TPRG1: variants seen among roughly 807,000 people sequenced by gnomAD.
The protein encoded by TPRG1 is tumor protein p63-regulated gene 1 protein.
In TPRG1, 29 loss-of-function variants were observed where a neutral mutation model predicts 29.3. The observed-to-expected ratio is 0.99, with a 90% CI of 0.74 to 1.35. The LOEUF (loss-of-function observed/expected upper bound fraction) is 1.35. Ranked by LOEUF, TPRG1 falls within the 40% of genes most tolerant of loss-of-function variation. The probability of loss-of-function intolerance (pLI) is 0.00; values close to 1 mark genes in which losing one functional copy is unlikely to be tolerated. For missense variants in TPRG1, 327 were observed against 335.0 expected (o/e 0.98, Z 0.19); for synonymous variants, 130 against 116.8 (o/e 1.11, Z -0.73).
At chr3:189,070,066 C>T (rs1483566524) in intron 4 of TPRG1, among the ~76,000 whole-genome samples, 5 of 151,728 alleles carry the variant, frequency 3.3e-5, no homozygotes, top group African/African-American at 1.2e-4. Context: ...GGTGACAGAG[C>T]GAGACTCCAT....
rs762348551 is a variant in TPRG1, at chr3:189,324,306, G to A, written c.*3486G>A. Reference sequence around the variant, plus strand: ...AAACTAGAAAGACATTTCTCAAAAAGAAGATGGTGAACTTTTGGAAATACT... The same window carrying A: ...AAACTAGAAAGACATTTCTCAAAAAAAAGATGGTGAACTTTTGGAAATACT... On this transcript the variant is annotated 3_prime_UTR_variant, in exon 6 of 6. Transcript: ENST00000345063. 8.5e-5 allele frequency: 13 copies of A among 152,116 alleles called. No individual in the cohort carries two copies. The highest frequency in any genetic ancestry group is 1.8e-4 in the Non-Finnish European group (12 of 68,002). 9.4% of individuals were successfully genotyped at this position (152,116 alleles called of 1,614,324 possible). A position where few individuals can be genotyped will look rare whatever the true frequency, so the allele number is the denominator to read the frequency against.
chr3:189,256,924 A>C (rs952536248), intron 4 of TPRG1, among the ~76,000 whole-genome samples: 5 of 152,192 alleles, frequency 3.3e-5, no homozygotes, highest in African/African-American at 1.2e-4. Flanking sequence ...GGTGTCCTGA[A>C]TACAGCATAC....
intron 5 of TPRG1, among the ~76,000 whole-genome samples, chr3:189,158,275 T>G (rs1263273665): frequency 6.6e-6 from 1 of 152,092 alleles, no homozygotes; most frequent in Non-Finnish European, 1.5e-5. Flanking sequence ...TTTATGCAGC[T>G]GGGGGAACTG....
chr3:189,114,696 G>A (rs1217345387), intron 1 of TPRG1, among the ~76,000 whole-genome samples: 2 of 152,168 alleles, frequency 1.3e-5, no homozygotes, highest in African/African-American at 2.4e-5. Context: ...CTAGATGCAG[G>A]CTTGGCCTGT....
chr3:189,282,321 A>G (rs1274033548), intron 4 of TPRG1, among the ~76,000 whole-genome samples: 1 of 151,510 alleles, frequency 6.6e-6, no homozygotes, highest in Non-Finnish European at 1.5e-5. Context: ...TCCATAAGTC[A>G]TATCTTGTAG....
intron 4 of TPRG1, among the ~76,000 whole-genome samples, chr3:189,085,750 T>C (rs114226817): frequency 1.5e-3 from 233 of 152,294 alleles, no homozygotes; most frequent in African/African-American, 5.0e-3. Context: ...ATCTGATCCA[T>C]AATGAAAAGT....
chr3:189,255,611 T>G (rs1195191555), intron 4 of TPRG1, among the ~76,000 whole-genome samples: 16 of 152,204 alleles, frequency 1.1e-4, no homozygotes, highest in Admixed American at 1.0e-3. Context: ...CCAGCTCTTC[T>G]TTGTACCTCT....
intron 2 of TPRG1, 68 bp downstream of exon 2, chr3:189,207,662 G>A (rs1560553149): frequency 6.9e-7 from 1 of 1,454,288 alleles, no homozygotes; most frequent in East Asian, 2.3e-5. Flanking sequence ...ATCCTTCTGT[G>A]TATCACATAT....
At chr3:189,045,575 GTCTGTACAGTGCAAAATA>G (rs1366792634) in intron 4 of TPRG1, among the ~76,000 whole-genome samples, 4 of 152,318 alleles carry the variant, frequency 2.6e-5, no homozygotes, top group South Asian at 4.1e-4. Context: ...GTGGGAAAAT[GTCTGTACAGTGCAAAATA>G]TCTGTACAGT....
At chr3:189,162,122 AGCTGGGATTACAGTCACCT>A (rs1290247230) in intron 5 of TPRG1, among the ~76,000 whole-genome samples, 2 of 152,194 alleles carry the variant, frequency 1.3e-5, no homozygotes, top group African/African-American at 4.8e-5. Context: ...CCTCTCGAGT[AGCTGGGATTACAGTCACCT>A]GCCACCATGC....
At chr3:189,003,410 T>C (rs1168567256) in intron 2 of TPRG1, among the ~76,000 whole-genome samples, 1 of 152,158 alleles carries the variant, frequency 6.6e-6, no homozygotes, top group African/African-American at 2.4e-5. Flanking sequence ...TAGATAGCTA[T>C]GTTAAATCCT....
chr3:189,102,352 C>G (rs1273544138), intron 1 of TPRG1, among the ~76,000 whole-genome samples: 1 of 152,172 alleles, frequency 6.6e-6, no homozygotes, highest in Non-Finnish European at 1.5e-5. Flanking sequence ...TCTACATTTC[C>G]ACTCAAATGG....
At position 189,139,536 on chromosome 3, in the gene TPRG1, C is replaced by T. The variant is rs531983546; in HGVS notation, c.-291+6839C>T. Among the ~76,000 whole-genome samples the T allele has an allele frequency of 7.9e-5, 12 of 152,250 alleles. No individual in the cohort carries two copies. In the East Asian group the frequency reaches 1.7e-3, roughly 22 times the overall value. ...TTTGTATTATCAGACAATTACCAGC[C>T]GAGCTCGTATTCATAATTTGACTAA... On this transcript the variant is annotated intron_variant, in intron 3 of 6. Coordinates refer to the TPRG1 transcript ENST00000412373.
At chr3:189,256,197 A>G (rs1028250735) in intron 4 of TPRG1, among the ~76,000 whole-genome samples, 2 of 151,992 alleles carry the variant, frequency 1.3e-5, no homozygotes, top group African/African-American at 4.8e-5. Context: ...TGTCCCAGAG[A>G]TTTTGGTATG....
At chr3:189,242,473 T>C (rs1233242951) in intron 4 of TPRG1, among the ~76,000 whole-genome samples, 5 of 152,296 alleles carry the variant, frequency 3.3e-5, no homozygotes, top group African/African-American at 1.2e-4. Context: ...TAAACATGTT[T>C]GGTTGTGACA....
At chr3:189,027,296 C>T (rs937154297) in intron 4 of TPRG1, among the ~76,000 whole-genome samples, 7 of 152,152 alleles carry the variant, frequency 4.6e-5, no homozygotes, top group African/African-American at 1.7e-4. Context: ...CCAAAAGAAA[C>T]CAAAATACCC....
At chr3:189,295,069 A>G (rs915867312) in intron 4 of TPRG1, among the ~76,000 whole-genome samples, 2 of 152,206 alleles carry the variant, frequency 1.3e-5, no homozygotes, top group South Asian at 2.1e-4. Flanking sequence ...ATGTGCTTCT[A>G]TGTGGAATAA....
intron 4 of TPRG1, among the ~76,000 whole-genome samples, chr3:189,065,496 T>A (rs1423266127): frequency 6.6e-6 from 1 of 151,912 alleles, no homozygotes; most frequent in Non-Finnish European, 1.5e-5. Flanking sequence ...TTATTTCAGG[T>A]ATAGAAAAGT....
Position 189,287,974 on chromosome 3 carries a change from T to C in TPRG1, c.480-22412T>C, listed in dbSNP as rs538346007. On this transcript the variant is annotated intron_variant, in intron 4 of 5. Coordinates refer to ENST00000345063, the MANE Select transcript of TPRG1 (RefSeq NM_198485.4). ...AATTGTGAGAATTTTAATTTTTAAA[T>C]TAAAAAAATTTAAGTTAATAAAATT... 5.9e-5 allele frequency among the ~76,000 whole-genome samples: 9 copies of C among 151,804 alleles called. No homozygotes were observed. In the South Asian group the frequency reaches 1.9e-3, roughly 32 times the overall value.
Sources: gnomAD v4.1 joint callset for allele counts (sites outside exome capture counted in the v4.1 genomes callset) on GRCh38, gnomAD v4.1.1 for gene constraint, MANE v1.5 for transcripts, NCBI Gene and HGNC (gene_info 2026-07-23, HGNC 2026-07-21) for gene names.